Variants in TMEM63A observed in about 807,000 individuals in gnomAD.
The protein encoded by TMEM63A is transmembrane protein 63A.
In TMEM63A, 76 loss-of-function variants were observed where a neutral mutation model predicts 100.6. The observed-to-expected ratio is 0.76, with a 90% CI of 0.63 to 0.91. The LOEUF (loss-of-function observed/expected upper bound fraction) is 0.91. Among genes scored for constraint, TMEM63A ranks in the 40% least tolerant of loss-of-function variants. TMEM63A has a pLI of 0.00. For synonymous variants in TMEM63A, 401 were observed against 401.1 expected (o/e 1.00, Z 0.00); for missense variants, 876 against 1,008.8 (o/e 0.87, Z 1.78).
At position 225,867,846 on chromosome 1, in the gene TMEM63A, C is replaced by T. The variant is rs777626445; in HGVS notation, c.514+42G>A. The T allele has an allele frequency of 6.2e-7, 1 of 1,612,456 alleles. No individual in the cohort carries two copies. The highest frequency in any genetic ancestry group is 8.5e-7 in the Non-Finnish European group (1 of 1,179,016). ...GAGCCCTTTCCCTAGGACTGCCACTCTGCCCCATTACAACATAGACAAGGG... is the reference window on the plus strand; with the variant it reads ...GAGCCCTTTCCCTAGGACTGCCACTTTGCCCCATTACAACATAGACAAGGG... On this transcript the variant is annotated intron_variant, in intron 7 of 24. Coordinates refer to ENST00000366835, the MANE Select transcript of TMEM63A (RefSeq NM_014698.3). The surrounding 1 kb of genome is among the most constrained non-coding windows in gnomAD (Gnocchi z 4.6).
At chr1:225,868,159 C>T (rs1576102224) in intron 6 of TMEM63A, 129 bp from the exon 7 acceptor site, 1 of 1,198,062 alleles carries the variant, frequency 8.3e-7, no homozygotes, top group African/African-American at 1.5e-5. Flanking sequence ...TTTTTGTTCA[C>T]ATATGAGGAA....
At chr1:225,851,676 C>CT (rs1669349020) in intron 20 of TMEM63A, among the ~76,000 whole-genome samples, 1 of 152,080 alleles carries the variant, frequency 6.6e-6, no homozygotes, top group African/African-American at 2.4e-5. Context: ...GCCCCAGGTT[C>CT]TTTTTTAAAA....
At chr1:225,876,471 A>G (rs1175858123) in intron 3 of TMEM63A, among the ~76,000 whole-genome samples, 1 of 152,132 alleles carries the variant, frequency 6.6e-6, no homozygotes, top group Non-Finnish European at 1.5e-5. Flanking sequence ...TGGCCAGCCC[A>G]TGGCATTTGT....
intron 14 of TMEM63A, chr1:225,859,595 G>A: frequency 2.0e-6 from 1 of 501,666 alleles, no homozygotes; most frequent in Non-Finnish European, 3.5e-6. Context: ...GATGGCATGA[G>A]CACCCAAGCA....
intron 14 of TMEM63A, 162 bp downstream of exon 14, chr1:225,860,698 C>G (rs553128350): frequency 4.0e-6 from 3 of 757,634 alleles, no homozygotes; most frequent in Non-Finnish European, 3.8e-6. Context: ...GCAGATACCC[C>G]AGTTGGGCCA....
intron 9 of TMEM63A, 155 bp from the exon 10 acceptor site, chr1:225,866,122 A>T: frequency 1.4e-6 from 1 of 719,836 alleles, no homozygotes; most frequent in South Asian, 1.7e-5. Context: ...CCCCCAAAGC[A>T]TGTCATTTAC....
intron 20 of TMEM63A, among the ~76,000 whole-genome samples, chr1:225,850,622 T>A (rs1223591324): frequency 6.6e-6 from 1 of 152,208 alleles, no homozygotes; most frequent in African/African-American, 2.4e-5. Context: ...ACTAAATAAA[T>A]GCGAACTTCG....
Position 225,867,151 on chromosome 1 carries a change from T to C in TMEM63A, c.527A>G (p.Tyr176Cys). 6.2e-7 allele frequency: 1 copy of C among 1,614,126 alleles called. No individual in the cohort carries two copies. The highest frequency in any genetic ancestry group is 8.5e-7 in the Non-Finnish European group (1 of 1,180,018). Residue 176 changes from tyrosine to cysteine, a missense_variant, in exon 8 of 25, where the codon TAT becomes TGT. Physicochemically the swap from Tyr to Cys is radical, Grantham distance 194 (BLOSUM62 -2). Transcript: ENST00000366835. This position sits in a 1 kb window ranked among gnomAD's most constrained non-coding sequence, Gnocchi z 4.6. Reference protein sequence around the residue: ...LSGDLLDKDPYSFGRTTIANL... With the variant: ...LSGDLLDKDPCSFGRTTIANL... ...TGCTATTGTTGTCCTCCCAAAACTATACGGGTCTTTGTCTGCAGAGAAGCA... is the reference window on the plus strand; with the variant it reads ...TGCTATTGTTGTCCTCCCAAAACTACACGGGTCTTTGTCTGCAGAGAAGCA...
downstream of TMEM63A, chr1:225,845,190 A>C (rs749605870): frequency 6.2e-7 from 1 of 1,613,878 alleles, no homozygotes; most frequent in South Asian, 1.1e-5. Flanking sequence ...TTCCCTTTTG[A>C]GCTATTGCAC....
At chr1:225,882,006 G>A (rs1036482312) in intron 1 of TMEM63A, among the ~76,000 whole-genome samples, 1 of 152,202 alleles carries the variant, frequency 6.6e-6, no homozygotes, top group African/African-American at 2.4e-5. Context: ...GTCGGACTCC[G>A]CCGACAAATC....
At chr1:225,854,925 G>C (rs572630809) in intron 18 of TMEM63A, among the ~76,000 whole-genome samples, 1 of 152,172 alleles carries the variant, frequency 6.6e-6, no homozygotes, top group Non-Finnish European at 1.5e-5. Context: ...GCCGAGCTTC[G>C]AGGAGGAAGG....
intron 6 of TMEM63A, among the ~76,000 whole-genome samples, chr1:225,870,515 T>C (rs375053363): frequency 1.3e-5 from 2 of 151,540 alleles, no homozygotes; most frequent in African/African-American, 2.4e-5. Context: ...CCTTTAATAA[T>C]CTTTTAGCTT....
At chr1:225,842,529 C>T, downstream of TMEM63A, 3 of 1,224,054 alleles carry the variant, frequency 2.5e-6, no homozygotes, top group African/African-American at 4.5e-5. Flanking sequence ...AGCCAACCTC[C>T]TCACCCTCTT....
In TMEM63A at chr1:225,873,486, G is replaced by A. The variant is rs182589681; in HGVS notation, c.266+802C>T. Among the ~76,000 whole-genome samples the A allele has an allele frequency of 3.5e-3, 531 of 152,200 alleles. 1 individual carries two copies. Among genetic ancestry groups the A allele is most frequent in the African/African-American group, 0.012 (494 of 41,520 alleles). ...CCAGAGCCCCTCTGGGGCTCTGGGT[G>A]GCAGCTGGGGCCAGTCCCTGAGTTT... On this transcript the variant is annotated intron_variant, in intron 4 of 24. Coordinates refer to ENST00000366835, the MANE Select transcript of TMEM63A (RefSeq NM_014698.3).
At chr1:225,856,027 AC>A in intron 17 of TMEM63A, 87 bp from the exon 18 acceptor site, 1 of 1,406,672 alleles carries the variant, frequency 7.1e-7, no homozygotes, top group Non-Finnish European at 9.9e-7. Flanking sequence ...TGCTCTAAAA[AC>A]AGGCCAAAGC....
At chr1:225,854,783 T>C (rs1301035186) in intron 18 of TMEM63A, among the ~76,000 whole-genome samples, 2 of 152,094 alleles carry the variant, frequency 1.3e-5, no homozygotes, top group Non-Finnish European at 2.9e-5. Flanking sequence ...TCAGCTGAAG[T>C]CACCTAGAGA....
intron 4 of TMEM63A, among the ~76,000 whole-genome samples, chr1:225,873,452 G>A (rs1670621379): frequency 6.6e-6 from 1 of 152,148 alleles, no homozygotes; most frequent in African/African-American, 2.4e-5. Flanking sequence ...CCCGAGAGTG[G>A]AGGGTCTGCC....
intron 6 of TMEM63A, among the ~76,000 whole-genome samples, chr1:225,869,844 G>A (rs557504117): frequency 6.6e-6 from 1 of 151,320 alleles, no homozygotes; most frequent in East Asian, 2.0e-4. Context: ...TGTATTTTTA[G>A]TAGAGACGGA....
At chr1:225,852,604 T>G in intron 20 of TMEM63A, 60 bp downstream of exon 20, 2 of 1,538,394 alleles carry the variant, frequency 1.3e-6, no homozygotes, top group Non-Finnish European at 1.8e-6. Context: ...CCCGAGAGGT[T>G]TGGTGCAATC....
Sources: gnomAD v4.1 joint callset for allele counts (sites outside exome capture counted in the v4.1 genomes callset) on GRCh38, gnomAD v4.1.1 for gene constraint, Gnocchi (gnomAD v3.1) non-coding constraint, MANE v1.5 for transcripts, NCBI Gene and HGNC (gene_info 2026-07-23, HGNC 2026-07-21) for gene names.